ACTR3C: variants seen among roughly 807,000 people sequenced by gnomAD.
ACTR3C encodes actin-related protein 3C.
ACTR3C carries 18 observed loss-of-function variants against 26.3 expected under a neutral mutation model. The ratio of observed to expected loss-of-function variants is 0.68; its 90% CI spans 0.47 to 1.01. The LOEUF (loss-of-function observed/expected upper bound fraction) is 1.01, where lower values mean the gene tolerates loss of function less well. ACTR3C is among the 50% of genes least tolerant of loss of function. The pLI is 0.00. For missense variants in ACTR3C, 184 were observed against 250.7 expected (o/e 0.73, Z 1.80); for synonymous variants, 55 against 94.5 (o/e 0.58, Z 2.42).
chr7:150,291,351 C>T (rs1836247419), intron 3 of ACTR3C, among the ~76,000 whole-genome samples: 1 of 152,146 alleles, frequency 6.6e-6, no homozygotes. Context: ...ATCGCTTGAA[C>T]CTGGGAGGCA....
chr7:150,275,405 T>C (rs547873147), intron 6 of ACTR3C, among the ~76,000 whole-genome samples: 4 of 152,304 alleles, frequency 2.6e-5, no homozygotes, highest in African/African-American at 9.6e-5. Flanking sequence ...AAGGGAAAGA[T>C]GAAGTAATAA....
the ACTR3C span, among the ~76,000 whole-genome samples, chr7:149,963,887 G>C: frequency 6.6e-6 from 1 of 151,974 alleles, no homozygotes; most frequent in South Asian, 2.1e-4. Flanking sequence ...CTTTTTTTTG[G>C]AATGTTTATG....
In ACTR3C at chr7:150,282,832, C is replaced by T. The variant is rs577078967; in HGVS notation, c.564+1921G>A. Among the ~76,000 whole-genome samples the T allele has an allele frequency of 6.8e-3, 981 of 144,526 alleles. 10 individuals carry two copies. The highest frequency in any genetic ancestry group is 0.011 in the Non-Finnish European group (770 of 67,546). The allele number at this position is 144,526 out of a possible 152,430, so 94.8% of individuals were successfully genotyped here. On this transcript the variant is annotated intron_variant, in intron 6 of 7. Transcript: ENST00000683684. Reference sequence around the variant, plus strand: ...TCGAGGCTGCAGTGAGCTGTGATCACGCCACTGCACTCCAGCACGGGCAAC... The same window carrying T: ...TCGAGGCTGCAGTGAGCTGTGATCATGCCACTGCACTCCAGCACGGGCAAC...
At chr7:150,095,291 G>A in the ACTR3C span, among the ~76,000 whole-genome samples, 3 of 149,984 alleles carry the variant, frequency 2.0e-5, no homozygotes, top group Non-Finnish European at 2.9e-5. Context: ...TTTCTCTGTG[G>A]AGCTCCCAAC....
At chr7:150,236,131 C>A in the ACTR3C span, among the ~76,000 whole-genome samples, 1 of 152,200 alleles carries the variant, frequency 6.6e-6, no homozygotes, top group East Asian at 1.9e-4. Context: ...ATTTTTAATG[C>A]AACTAAAATG....
At chr7:150,035,892 G>A in the ACTR3C span, among the ~76,000 whole-genome samples, 219 of 137,496 alleles carry the variant, frequency 1.6e-3, 9 homozygotes, top group African/African-American at 4.7e-3. Context: ...AGAGGGGATA[G>A]CTCTCAGTCC....
At chr7:150,040,753 C>T in the ACTR3C span, 20 of 146,528 alleles carry the variant, frequency 1.4e-4, 1 homozygote, top group South Asian at 6.7e-4. Context: ...GATGGGCGTC[C>T]TAAGCCAGTG....
At chr7:150,110,460 AG>A in the ACTR3C span, among the ~76,000 whole-genome samples, 5 of 113,716 alleles carry the variant, frequency 4.4e-5, no homozygotes, top group Middle Eastern at 4.2e-3. Flanking sequence ...TGGGGCTGGA[AG>A]AGGGTGGGGC....
chr7:150,093,911 A>G, the ACTR3C span, among the ~76,000 whole-genome samples: 1 of 150,978 alleles, frequency 6.6e-6, no homozygotes, highest in African/African-American at 2.5e-5. Context: ...TCCTGCGTGC[A>G]GATAGTCTTT....
At chr7:150,162,695 A>T in the ACTR3C span, among the ~76,000 whole-genome samples, 1 of 152,354 alleles carries the variant, frequency 6.6e-6, no homozygotes, top group South Asian at 2.1e-4. Flanking sequence ...CATCCATGCT[A>T]CAGGTTTTGA....
chr7:150,307,104 T>C (rs1795858604), intron 1 of ACTR3C, among the ~76,000 whole-genome samples: 2 of 152,268 alleles, frequency 1.3e-5, no homozygotes, highest in African/African-American at 4.8e-5. Context: ...GAGCCAAGTA[T>C]GAGTGACCAT....
the ACTR3C span, among the ~76,000 whole-genome samples, chr7:150,140,370 G>A: frequency 6.6e-5 from 10 of 152,040 alleles, no homozygotes; most frequent in African/African-American, 1.4e-4. Context: ...AAAATTATGC[G>A]TACACAAGGA....
At chr7:149,991,749 T>C in the ACTR3C span, among the ~76,000 whole-genome samples, 3 of 152,306 alleles carry the variant, frequency 2.0e-5, no homozygotes, top group African/African-American at 7.2e-5. Context: ...TTTTGTTTTT[T>C]AGACAGAGTC....
At chr7:149,883,599 G>A in the ACTR3C span, among the ~76,000 whole-genome samples, 8 of 152,204 alleles carry the variant, frequency 5.3e-5, no homozygotes, top group South Asian at 2.1e-4. Context: ...AGAGGGCAGC[G>A]CCTGCGTGCA....
At chr7:150,267,778 G>A (rs1834152203) in intron 6 of ACTR3C, among the ~76,000 whole-genome samples, 1 of 152,190 alleles carries the variant, frequency 6.6e-6, no homozygotes. Context: ...AGGGACTCCT[G>A]TATATGAAAC....
the ACTR3C span, among the ~76,000 whole-genome samples, chr7:149,995,788 G>A: frequency 2.6e-5 from 4 of 152,272 alleles, no homozygotes; most frequent in East Asian, 5.8e-4. Flanking sequence ...ACCAACCACA[G>A]CTCCGTGAGG....
chr7:149,936,933 G>T, the ACTR3C span, among the ~76,000 whole-genome samples: 1 of 151,236 alleles, frequency 6.6e-6, no homozygotes, highest in Non-Finnish European at 1.5e-5. Context: ...GATACTAAAG[G>T]CATGTGCCAC....
chr7:150,039,387 AACCCGGGGGGGAAGAGGGACTG>A, the ACTR3C span, among the ~76,000 whole-genome samples: 5 of 106,098 alleles, frequency 4.7e-5, no homozygotes, highest in East Asian at 1.1e-3. Flanking sequence ...GGGTCCTAAG[AACCCGGGGGGGAAGAGGGACTG>A]GCTCTCAGTC....
chr7:150,314,824 C>T lies in ACTR3C; in HGVS notation c.-52+8645G>A, dbSNP rs182601640. Among the ~76,000 whole-genome samples the T allele has an allele frequency of 5.8e-3, 872 of 149,144 alleles. 10 individuals carry two copies. Among genetic ancestry groups the T allele is most frequent in the African/African-American group, 0.02 (832 of 40,930 alleles). On this transcript the variant is annotated intron_variant, in intron 1 of 7. Coordinates refer to ENST00000683684, the MANE Select transcript of ACTR3C (RefSeq NM_001164458.2). The stretch of plus-strand genomic sequence containing the variant: ...AAAATTAGTCAGGCACAGTGGCACA[C>T]ACCTGTAGTCCCAGCTACTCACAAG...
Sources: gnomAD v4.1 joint callset for allele counts (sites outside exome capture counted in the v4.1 genomes callset) on GRCh38, gnomAD v4.1.1 for gene constraint, MANE v1.5 for transcripts, NCBI Gene and HGNC (gene_info 2026-07-23, HGNC 2026-07-21) for gene names.